Variants in NRXN1 observed in about 807,000 individuals in gnomAD.
The protein encoded by NRXN1 is neurexin 1.
A neutral mutation model predicts 150.9 loss-of-function variants in NRXN1; 39 were observed. The ratio of observed to expected loss-of-function variants is 0.26; its 90% CI spans 0.20 to 0.34. NRXN1 has a LOEUF of 0.34. NRXN1 is among the 10% of genes least tolerant of loss of function. NRXN1 has a pLI of 1.00. For missense variants in NRXN1, 1,815 were observed against 1,949.9 expected (o/e 0.93, Z 1.30); for synonymous variants, 924 against 757.0 (o/e 1.22, Z -3.62).
At chr2:50,805,831 G>A (rs1667438623) in intron 5 of NRXN1, among the ~76,000 whole-genome samples, 1 of 152,056 alleles carries the variant, frequency 6.6e-6, no homozygotes, top group Non-Finnish European at 1.5e-5. Flanking sequence ...CCTGATAGCT[G>A]GCATGATCCA....
At chr2:50,922,425 C>A in intron 4 of NRXN1, 2 of 601,984 alleles carry the variant, frequency 3.3e-6, no homozygotes, top group South Asian at 2.0e-5. Flanking sequence ...CATTTATTTG[C>A]AAATATTATA....
intron 18 of NRXN1, among the ~76,000 whole-genome samples, chr2:50,189,133 A>G (rs2061286207): frequency 6.6e-6 from 1 of 152,198 alleles, no homozygotes; most frequent in African/African-American, 2.4e-5. Context: ...ATCATCAATG[A>G]TAGAGTGGAT....
chr2:50,084,998 G>T (rs1389017972), intron 19 of NRXN1, among the ~76,000 whole-genome samples: 2 of 146,886 alleles, frequency 1.4e-5, no homozygotes, highest in Non-Finnish European at 3.0e-5. Flanking sequence ...TGAACACTGT[G>T]AAAAAAGATA....
rs574393443 is a variant in NRXN1 at position 50,765,158 on chromosome 2, G to A, written c.833-141543C>T. Among the ~76,000 whole-genome samples, 21 of 152,046 alleles carry A rather than the reference G, an allele frequency of 1.4e-4. 1 individual carries two copies. In the South Asian group the frequency reaches 4.1e-3, roughly 30 times the overall value. ...AACTTAACTACCTCACAGGATATTC[G>A]AAGCACAATACATAATGTGAAGGGG... On this transcript the variant is annotated intron_variant, in intron 5 of 22. Coordinates refer to ENST00000401669, the MANE Select transcript of NRXN1 (RefSeq NM_001330078.2).
At chr2:50,399,515 T>C (rs536925198) in intron 17 of NRXN1, among the ~76,000 whole-genome samples, 1 of 152,066 alleles carries the variant, frequency 6.6e-6, no homozygotes, top group African/African-American at 2.4e-5. Flanking sequence ...CTTCTTCCTA[T>C]TGGGAGAGCT....
At chr2:50,419,598 G>T (rs1206135564) in intron 17 of NRXN1, among the ~76,000 whole-genome samples, 2 of 151,856 alleles carry the variant, frequency 1.3e-5, no homozygotes, top group Non-Finnish European at 2.9e-5. Context: ...AGGCAATAAG[G>T]AAGAAAATGA....
intron 18 of NRXN1, among the ~76,000 whole-genome samples, chr2:50,109,524 T>C (rs990326049): frequency 3.3e-5 from 5 of 152,018 alleles, no homozygotes; most frequent in Non-Finnish European, 7.4e-5. Context: ...TCTAAAATTG[T>C]TTATCAGTTT....
intron 8 of NRXN1, among the ~76,000 whole-genome samples, chr2:50,586,424 T>C (rs1009764373): frequency 7.9e-5 from 12 of 152,180 alleles, no homozygotes; most frequent in African/African-American, 2.7e-4. Flanking sequence ...CCTTCCAGTA[T>C]AGTACAAGCT....
chr2:50,126,522 A>C (rs1483471908), intron 18 of NRXN1, among the ~76,000 whole-genome samples: 1 of 152,194 alleles, frequency 6.6e-6, no homozygotes, highest in African/African-American at 2.4e-5. Context: ...AAAGCAAGTA[A>C]GATATAATAG....
chr2:50,011,051 C>G (rs961848595), intron 21 of NRXN1, among the ~76,000 whole-genome samples: 1 of 152,060 alleles, frequency 6.6e-6, no homozygotes, highest in African/African-American at 2.4e-5. Flanking sequence ...TGCTGAAAGC[C>G]TCCTTGGAGA....
At chr2:50,022,051 G>A (rs1573458564) in intron 21 of NRXN1, among the ~76,000 whole-genome samples, 1 of 151,578 alleles carries the variant, frequency 6.6e-6, no homozygotes. Flanking sequence ...AGATTTCACC[G>A]TGTTAGCCAG....
chr2:50,745,575 T>A (rs1699925572), intron 5 of NRXN1, among the ~76,000 whole-genome samples: 1 of 152,072 alleles, frequency 6.6e-6, no homozygotes, highest in African/African-American at 2.4e-5. Context: ...ATGCTGCTGA[T>A]AAAGACATAA....
At chr2:50,079,431 G>T (rs979860299) in intron 19 of NRXN1, among the ~76,000 whole-genome samples, 28 of 152,000 alleles carry the variant, frequency 1.8e-4, no homozygotes, top group African/African-American at 6.7e-4. Context: ...GTGACCATGT[G>T]GTTCTCAAAG....
At chr2:50,569,628 A>G (rs1444614279) in intron 8 of NRXN1, among the ~76,000 whole-genome samples, 1 of 152,136 alleles carries the variant, frequency 6.6e-6, no homozygotes, top group Admixed American at 6.6e-5. Flanking sequence ...AAGAACTGCA[A>G]TCCATCTCTG....
At chr2:50,799,864 T>C (rs567000899) in intron 5 of NRXN1, among the ~76,000 whole-genome samples, 1 of 152,174 alleles carries the variant, frequency 6.6e-6, no homozygotes, top group East Asian at 1.9e-4. Flanking sequence ...ACTCTAATCT[T>C]GTGACACTTT....
chr2:50,820,822 C>T (rs1286043021), intron 5 of NRXN1, among the ~76,000 whole-genome samples: 3 of 152,080 alleles, frequency 2.0e-5, no homozygotes, highest in African/African-American at 7.2e-5. Flanking sequence ...ACTTGTCAAG[C>T]AATCAAACAC....
At chr2:50,671,261 C>T (rs1329246592) in intron 5 of NRXN1, among the ~76,000 whole-genome samples, 2 of 151,610 alleles carry the variant, frequency 1.3e-5, no homozygotes, top group African/African-American at 4.8e-5. Flanking sequence ...GAAGAAAAGA[C>T]TAATAACTTT....
At chr2:49,943,392 C>G (rs1476090724) in intron 22 of NRXN1, among the ~76,000 whole-genome samples, 1 of 151,974 alleles carries the variant, frequency 6.6e-6, no homozygotes, top group Non-Finnish European at 1.5e-5. Flanking sequence ...ATAAGTGACC[C>G]AAGGGAAAGC....
intron 5 of NRXN1, among the ~76,000 whole-genome samples, chr2:50,886,344 T>C (rs1680239946): frequency 6.6e-6 from 1 of 151,588 alleles, no homozygotes; most frequent in South Asian, 2.1e-4. Context: ...CTTTCTGGAA[T>C]GCAATAAAAT....
Sources: allele counts gnomAD v4.1 joint callset (sites outside exome capture counted in the v4.1 genomes callset), GRCh38; gene constraint gnomAD v4.1.1; transcripts MANE v1.5; gene names NCBI Gene and HGNC (gene_info 2026-07-23, HGNC 2026-07-21).